Variants in LRRFIP1 observed in about 807,000 individuals in gnomAD.
LRRFIP1 encodes the protein leucine-rich repeat flightless-interacting protein 1.
LRRFIP1 carries 62 observed loss-of-function variants against 104.4 expected under a neutral mutation model. The ratio of observed to expected loss-of-function variants is 0.59; its 90% CI spans 0.48 to 0.73. The LOEUF is 0.73. LRRFIP1 is among the 30% of genes least tolerant of loss of function. The pLI is 0.00. For missense variants in LRRFIP1, 796 were observed against 824.5 expected, an observed-to-expected ratio of 0.97 and a Z score of 0.42; for synonymous variants, 300 against 299.0, an observed-to-expected ratio of 1.00 and a Z score of -0.03.
intron 10 of LRRFIP1, among the ~76,000 whole-genome samples, chr2:237,737,087 T>A (rs576574316): frequency 6.6e-6 from 1 of 152,320 alleles, no homozygotes; most frequent in African/African-American, 2.4e-5. Context: ...CTGGTCCTGC[T>A]GTGGAGGATT....
intron 1 of LRRFIP1, among the ~76,000 whole-genome samples, chr2:237,674,232 C>G (rs930286740): frequency 6.6e-6 from 1 of 152,188 alleles, no homozygotes; most frequent in Non-Finnish European, 1.5e-5. Flanking sequence ...TGCCCATCAA[C>G]ATCTAGGTCG....
At chr2:237,690,973 C>T (rs2092717287) in intron 1 of LRRFIP1, among the ~76,000 whole-genome samples, 1 of 151,814 alleles carries the variant, frequency 6.6e-6, no homozygotes, top group Non-Finnish European at 1.5e-5. Context: ...TCCCCTATCC[C>T]TCCCAAGTCG....
In LRRFIP1 at chr2:237,687,097, G is replaced by C. The variant is rs566098892; in HGVS notation, c.97-21447G>C. On this transcript the variant is annotated intron_variant, in intron 1 of 23. Transcript: ENST00000308482. ...CTCTGCGTCAGGCGGCGTGCCGCTG[G>C]TGCATTCCATCATGATGTGCTAAGG... 2.6e-5 allele frequency among the ~76,000 whole-genome samples: 4 copies of C among 152,342 alleles called. No individual in the cohort carries two copies. The South Asian group carries it at 8.3e-4, about 32-fold the overall frequency.
At chr2:237,653,182 G>C (rs1200149345) in intron 1 of LRRFIP1, among the ~76,000 whole-genome samples, 1 of 152,082 alleles carries the variant, frequency 6.6e-6, no homozygotes, top group Non-Finnish European at 1.5e-5. Flanking sequence ...CCCAGTCCCA[G>C]GTAACTGTTT....
intron 1 of LRRFIP1, among the ~76,000 whole-genome samples, chr2:237,644,224 C>A (rs907391098): frequency 1.3e-5 from 2 of 152,226 alleles, no homozygotes; most frequent in African/African-American, 4.8e-5. Context: ...GCGATGAGCT[C>A]GCACTCCCTA....
Position 237,649,576 on chromosome 2 carries a change from T to C in LRRFIP1, c.96+21836T>C, listed in dbSNP as rs2085555881. Among the ~76,000 whole-genome samples, 1 of 152,012 alleles carries C rather than the reference T, an allele frequency of 6.6e-6. No homozygotes were observed. Among genetic ancestry groups the C allele is most frequent in the African/African-American group, 2.4e-5 (1 of 41,446 alleles). On this transcript the variant is annotated intron_variant, in intron 1 of 23. Transcript: ENST00000308482. This position sits in a 1 kb window ranked among gnomAD's most constrained non-coding sequence, Gnocchi z 4.1. Reference sequence around the variant, plus strand: ...TGTGAGAGGCAATTGTGGGTCAGCCTGAGGGCACACCCAATATAACTTTCA... The same window carrying C: ...TGTGAGAGGCAATTGTGGGTCAGCCCGAGGGCACACCCAATATAACTTTCA...
chr2:237,760,829 T>A (rs1264086928), intron 19 of LRRFIP1, among the ~76,000 whole-genome samples: 2 of 152,210 alleles, frequency 1.3e-5, no homozygotes, highest in African/African-American at 4.8e-5. Context: ...TCCTCCTTTG[T>A]ATGCCACGTG....
intron 1 of LRRFIP1, among the ~76,000 whole-genome samples, chr2:237,670,393 G>A (rs894997435): frequency 5.9e-5 from 9 of 152,188 alleles, no homozygotes; most frequent in Middle Eastern, 3.2e-3. Context: ...TTAAGATGGA[G>A]GGGAAAATGT....
chr2:237,680,924 T>C (rs1469396469), intron 1 of LRRFIP1, among the ~76,000 whole-genome samples: 1 of 152,176 alleles, frequency 6.6e-6, no homozygotes, highest in Non-Finnish European at 1.5e-5. Flanking sequence ...GAGGCTGTAG[T>C]GAGCCATGAT....
At chr2:237,757,719 C>T (rs1437336795) in intron 17 of LRRFIP1, among the ~76,000 whole-genome samples, 171 bp downstream of exon 17, 1 of 152,158 alleles carries the variant, frequency 6.6e-6, no homozygotes, top group Non-Finnish European at 1.5e-5. Flanking sequence ...AATACACTAA[C>T]TTATCCAAAT....
At chr2:237,758,671 A>C in intron 17 of LRRFIP1, 58 bp from the exon 18 acceptor site, 1 of 1,207,032 alleles carries the variant, frequency 8.3e-7, no homozygotes, top group Non-Finnish European at 1.2e-6. Flanking sequence ...CTGCTTCTGA[A>C]GTAACTTGCT....
intron 1 of LRRFIP1, among the ~76,000 whole-genome samples, chr2:237,636,352 C>CTTT (rs59582281): frequency 2.4e-5 from 3 of 124,450 alleles, no homozygotes; most frequent in African/African-American, 5.9e-5. Context: ...CCTTTCTTTT[C>CTTT]TTTTTTTTTT....
At chr2:237,761,726 A>G (rs953450814) in intron 19 of LRRFIP1, among the ~76,000 whole-genome samples, 3 of 152,216 alleles carry the variant, frequency 2.0e-5, no homozygotes, top group East Asian at 1.9e-4. Context: ...TAGAATTCCT[A>G]ATATTTCCCC....
chr2:237,642,311 C>A (rs369692144), intron 1 of LRRFIP1, among the ~76,000 whole-genome samples: 2 of 152,256 alleles, frequency 1.3e-5, no homozygotes, highest in African/African-American at 2.4e-5. Context: ...CAGCTTCACT[C>A]CAGGTTCTAG....
At chr2:237,768,260 G>A (rs1055579183) in intron 19 of LRRFIP1, 2 of 152,024 alleles carry the variant, frequency 1.3e-5, no homozygotes, top group Non-Finnish European at 2.9e-5. Context: ...TTCCTGAAAA[G>A]TTTCTTCTCT....
chr2:237,726,505 C>T (rs563109510), intron 7 of LRRFIP1, among the ~76,000 whole-genome samples: 54 of 152,310 alleles, frequency 3.5e-4, no homozygotes, highest in Middle Eastern at 3.4e-3. Context: ...TTCATGAGGG[C>T]ACTGTTCTAG....
chr2:237,754,437 G>C (rs538749341), intron 15 of LRRFIP1, among the ~76,000 whole-genome samples: 7 of 152,310 alleles, frequency 4.6e-5, no homozygotes, highest in Non-Finnish European at 1.0e-4. Context: ...AATGACAGCG[G>C]ACTGATTCCA....
At chr2:237,643,406 G>A (rs766906957) in intron 1 of LRRFIP1, among the ~76,000 whole-genome samples, 1 of 152,230 alleles carries the variant, frequency 6.6e-6, no homozygotes, top group African/African-American at 2.4e-5. Flanking sequence ...TTCTGCCTTC[G>A]GTAGACGGAT....
chr2:237,726,156 A>C (rs1358630732), intron 7 of LRRFIP1, among the ~76,000 whole-genome samples: 7 of 152,256 alleles, frequency 4.6e-5, no homozygotes, highest in Admixed American at 4.6e-4. Context: ...AAAGATTTTT[A>C]CTATTAAATT....
Sources: gnomAD v4.1 joint callset for allele counts (sites outside exome capture counted in the v4.1 genomes callset) on GRCh38, gnomAD v4.1.1 for gene constraint, Gnocchi (gnomAD v3.1) non-coding constraint, MANE v1.5 for transcripts, NCBI Gene and HGNC (gene_info 2026-07-23, HGNC 2026-07-21) for gene names.